ERICH1: variants seen among roughly 807,000 people sequenced by gnomAD.
The protein encoded by ERICH1 is glutamate rich 1.
Under a neutral mutation model 39.6 loss-of-function variants are expected in ERICH1, and 56 were observed. The observed-to-expected ratio is 1.41, with a 90% CI of 1.14 to 1.77. ERICH1 has a LOEUF of 1.77. Among genes scored for constraint, ERICH1 ranks in the 40% most tolerant of loss-of-function variants. The pLI, the probability that ERICH1 is intolerant of heterozygous loss-of-function variation, is 0.00. For missense variants in ERICH1, 826 were observed against 575.4 expected (o/e 1.44, Z -4.45); for synonymous variants, 313 against 223.6 (o/e 1.40, Z -3.57).
chr8:693,461 C>T (rs1464308995), intron 2 of ERICH1, among the ~76,000 whole-genome samples: 2 of 152,262 alleles, frequency 1.3e-5, no homozygotes, highest in East Asian at 1.9e-4. Flanking sequence ...TAACCACTTT[C>T]CTCAATGGCC....
At chr8:632,165 C>G (rs550029069) in intron 3 of ERICH1, among the ~76,000 whole-genome samples, 2 of 152,294 alleles carry the variant, frequency 1.3e-5, no homozygotes, top group South Asian at 2.1e-4. Flanking sequence ...GAGGCTGTGA[C>G]TTTTCCTCAG....
At chr8:632,796 T>A (rs967556409) in intron 3 of ERICH1, among the ~76,000 whole-genome samples, 4 of 152,142 alleles carry the variant, frequency 2.6e-5, no homozygotes, top group African/African-American at 9.7e-5. Context: ...GACTTTGCCC[T>A]GGGGGACATT....
intron 3 of ERICH1, among the ~76,000 whole-genome samples, chr8:623,574 T>C (rs1217346784): frequency 6.6e-6 from 1 of 152,208 alleles, no homozygotes; most frequent in African/African-American, 2.4e-5. Flanking sequence ...CATATATGTG[T>C]AGATTGTGAA....
At chr8:664,707 A>T (rs1037743191) in intron 5 of ERICH1, 31 bp from the exon 6 acceptor site, 1 of 1,553,402 alleles carries the variant, frequency 6.4e-7, no homozygotes, top group South Asian at 1.2e-5. Context: ...AACAAAAAAT[A>T]AAACAAAGAC....
At chr8:634,525 G>A (rs1296014551) in intron 3 of ERICH1, among the ~76,000 whole-genome samples, 1 of 152,224 alleles carries the variant, frequency 6.6e-6, no homozygotes, top group Non-Finnish European at 1.5e-5. Context: ...CCATGCTCAG[G>A]GCGGCCCCGT....
downstream of ERICH1, among the ~76,000 whole-genome samples, chr8:659,965 A>G (rs1045484776): frequency 6.6e-6 from 1 of 152,202 alleles, no homozygotes; most frequent in African/African-American, 2.4e-5. Context: ...GTCCTCATTC[A>G]ATCCCTTACA....
intron 3 of ERICH1, chr8:615,871 T>C (rs571804339): frequency 1.3e-5 from 2 of 152,454 alleles, no homozygotes; most frequent in Admixed American, 6.5e-5. Flanking sequence ...CCGCCAATAT[T>C]CAGCTTTCCT....
chr8:692,468 A>G lies in ERICH1; in HGVS notation c.304+10T>C, dbSNP rs199810215. The G allele has an allele frequency of 1.2e-6, 2 of 1,614,038 alleles. No homozygotes were observed. Among genetic ancestry groups the G allele is most frequent in the South Asian group, 1.1e-5 (1 of 91,078 alleles). ...AAGATGTCTACCTTTCCTCCCACCC[A>G]GCATTTTACCTTCTGTGTCATCCCC... On this transcript the variant is annotated intron_variant, in intron 3 of 5. Coordinates refer to ENST00000262109, the MANE Select transcript of ERICH1 (RefSeq NM_207332.3).
chr8:691,505 A>T (rs886543851), intron 3 of ERICH1, among the ~76,000 whole-genome samples: 14 of 152,262 alleles, frequency 9.2e-5, no homozygotes, highest in African/African-American at 3.4e-4. Flanking sequence ...GGCGTGAGTG[A>T]GGGCCAACGC....
At chr8:711,432 C>T (rs1240477203) in intron 2 of ERICH1, among the ~76,000 whole-genome samples, 1 of 151,956 alleles carries the variant, frequency 6.6e-6, no homozygotes, top group African/African-American at 2.4e-5. Context: ...AACCCGAGGG[C>T]ACCTAGATTG....
At chr8:698,094 C>A (rs1233891010) in intron 2 of ERICH1, among the ~76,000 whole-genome samples, 1 of 152,230 alleles carries the variant, frequency 6.6e-6, no homozygotes, top group East Asian at 1.9e-4. Flanking sequence ...CTGCGCCCGC[C>A]GCCTGCCCCC....
chr8:615,152 T>G, exon 4 of ERICH1: 1 of 621,730 alleles, frequency 1.6e-6, no homozygotes, highest in East Asian at 2.7e-5. Flanking sequence ...CTTAAAAAGT[T>G]ACTATCACAC....
intron 2 of ERICH1, among the ~76,000 whole-genome samples, chr8:694,315 A>G (rs749892787): frequency 2.0e-5 from 3 of 152,246 alleles, no homozygotes; most frequent in Non-Finnish European, 4.4e-5. Context: ...GCTTCTAAGT[A>G]CACTGTCCCC....
intron 3 of ERICH1, among the ~76,000 whole-genome samples, chr8:652,010 G>C (rs1800019060): frequency 6.6e-6 from 1 of 152,178 alleles, no homozygotes; most frequent in Non-Finnish European, 1.5e-5. Flanking sequence ...TTTGGGAAAA[G>C]GCCGTTGGCA....
intron 5 of ERICH1, chr8:666,694 T>G (rs986143030): frequency 6.6e-6 from 1 of 152,514 alleles, no homozygotes; most frequent in African/African-American, 2.4e-5. Flanking sequence ...AGCTGGAACC[T>G]GAGGTCTGAC....
Position 692,461 on chromosome 8 carries a change from C to T in ERICH1, c.304+17G>A, listed in dbSNP as rs1286537504. 1.9e-6 allele frequency: 3 copies of T among 1,614,014 alleles called. No individual in the cohort carries two copies. The Admixed American group carries it at 5.0e-5, about 27-fold the overall frequency. ...ATCTGCAAAGATGTCTACCTTTCCT[C>T]CCACCCAGCATTTTACCTTCTGTGT... is the stretch of plus-strand genomic sequence containing the variant. On this transcript the variant is annotated intron_variant, in intron 3 of 5. Transcript: ENST00000262109.
At chr8:629,880 C>A (rs538495346) in intron 3 of ERICH1, among the ~76,000 whole-genome samples, 1 of 136,604 alleles carries the variant, frequency 7.3e-6, no homozygotes, top group Non-Finnish European at 1.6e-5. Context: ...CTGACTCACA[C>A]CCTCCTGTGA....
At chr8:666,083 A>C (rs1802192261) in intron 5 of ERICH1, 1 of 152,242 alleles carries the variant, frequency 6.6e-6, no homozygotes. Context: ...GTCCTTTCTT[A>C]GAGAAAACAG....
chr8:707,208 CTTT>C (rs71528615), intron 2 of ERICH1, among the ~76,000 whole-genome samples: 3 of 136,418 alleles, frequency 2.2e-5, no homozygotes, highest in Admixed American at 7.3e-5. Flanking sequence ...TTTTTTGTTT[CTTT>C]TTTTTTTTTT....
Sources: gnomAD v4.1 joint callset for allele counts (sites outside exome capture counted in the v4.1 genomes callset) on GRCh38, gnomAD v4.1.1 for gene constraint, MANE v1.5 for transcripts, NCBI Gene and HGNC (gene_info 2026-07-23, HGNC 2026-07-21) for gene names.